Variants in NUSAP1 observed in about 807,000 individuals in gnomAD.
NUSAP1 encodes the protein nucleolar and spindle-associated protein 1.
Under a neutral mutation model 52.8 loss-of-function variants are expected in NUSAP1, and 32 were observed. The observed-to-expected ratio is 0.61, with a 90% CI of 0.46 to 0.81. The LOEUF (loss-of-function observed/expected upper bound fraction) is 0.81, where lower values mean the gene tolerates loss of function less well. NUSAP1 is among the 40% of genes least tolerant of loss of function. The probability of loss-of-function intolerance (pLI) is 0.00; values close to 1 mark genes in which losing one functional copy is unlikely to be tolerated. For synonymous variants in NUSAP1, 195 were observed against 183.1 expected (o/e 1.06, Z -0.52); for missense variants, 499 against 522.3 (o/e 0.96, Z 0.43).
intron 10 of NUSAP1, among the ~76,000 whole-genome samples, chr15:41,378,062 CCAAAT>C (rs1382464795): frequency 6.6e-6 from 1 of 151,976 alleles, no homozygotes; most frequent in Non-Finnish European, 1.5e-5. Flanking sequence ...GTAATGGACT[CCAAAT>C]CAGCAGATTT....
chr15:41,345,532 T>C (rs1170841656), intron 2 of NUSAP1: 2 of 405,976 alleles, frequency 4.9e-6, no homozygotes, highest in African/African-American at 2.2e-5. Context: ...CGATCTCGGC[T>C]CACCGCAACC....
intron 10 of NUSAP1, among the ~76,000 whole-genome samples, chr15:41,378,943 G>GTTTTTTTTTTTTT (rs1453721233): frequency 6.4e-5 from 4 of 62,824 alleles, no homozygotes; most frequent in Non-Finnish European, 1.1e-4. Flanking sequence ...AACTTATCTT[G>GTTTTTTTTTTTTT]GTTTTTTTTT....
chr15:41,355,695 G>A (rs2048941074), intron 4 of NUSAP1, among the ~76,000 whole-genome samples: 1 of 149,746 alleles, frequency 6.7e-6, no homozygotes, highest in African/African-American at 2.5e-5. Context: ...TGTTTTTTTA[G>A]AGGTGGAGTC....
rs1300871104 is a variant in NUSAP1, at chr15:41,380,940, A to C, written c.*754A>C. The C allele has an allele frequency of 3.9e-5, 6 of 152,180 alleles. No individual in the cohort carries two copies. Among genetic ancestry groups the C allele is most frequent in the African/African-American group, 1.4e-4 (6 of 41,450 alleles). The allele number at this position is 152,180 out of a possible 1,614,324, so 9.4% of individuals were successfully genotyped here. On this transcript the variant is annotated 3_prime_UTR_variant, in exon 11 of 11. Coordinates refer to ENST00000559596, the MANE Select transcript of NUSAP1 (RefSeq NM_016359.5). ...GTACTTCTTATTCATTTTATGGAAA[A>C]GACTAGGCTTTGCTTAGTATCATGT... is the stretch of plus-strand genomic sequence containing the variant.
rs926421440 is a variant in NUSAP1 at position 41,380,650 on chromosome 15, A to G, written c.*464A>G. 6.5e-6 allele frequency: 1 copy of G among 153,136 alleles called. No homozygotes were observed. The highest frequency in any genetic ancestry group is 2.1e-4 in the South Asian group (1 of 4,872). The allele number at this position is 153,136 out of a possible 1,614,324, so 9.5% of individuals were successfully genotyped here. A position where few individuals can be genotyped will look rare whatever the true frequency, so the allele number is the denominator to read the frequency against. On this transcript the variant is annotated 3_prime_UTR_variant, in exon 11 of 11. Coordinates refer to ENST00000559596, the MANE Select transcript of NUSAP1 (RefSeq NM_016359.5). ...CTCTCTATAGAATATAGTAACCTTTATGAAACGGGGCCATATAGTTTGGTT... is the reference window on the plus strand; with the variant it reads ...CTCTCTATAGAATATAGTAACCTTTGTGAAACGGGGCCATATAGTTTGGTT...
At chr15:41,357,077 CAAG>C (rs1380944875) in intron 5 of NUSAP1, among the ~76,000 whole-genome samples, 2 of 151,964 alleles carry the variant, frequency 1.3e-5, no homozygotes, top group Non-Finnish European at 2.9e-5. Context: ...AATTTAAAAA[CAAG>C]AAGAATGGCC....
At chr15:41,362,653 A>T (rs1176955437) in intron 6 of NUSAP1, among the ~76,000 whole-genome samples, 2 of 151,754 alleles carry the variant, frequency 1.3e-5, no homozygotes, top group Non-Finnish European at 2.9e-5. Flanking sequence ...GATGGTCTGA[A>T]TCTCCTGACC....
chr15:41,367,285 G>C (rs1425160030), intron 7 of NUSAP1, among the ~76,000 whole-genome samples: 2 of 152,208 alleles, frequency 1.3e-5, no homozygotes, highest in Non-Finnish European at 2.9e-5. Context: ...CACTCAGCCA[G>C]CATCAGAGTA....
At chr15:41,367,131 C>T (rs73404994) in intron 7 of NUSAP1, among the ~76,000 whole-genome samples, 13,350 of 152,238 alleles carry the variant, frequency 0.088, 742 homozygotes, top group African/African-American at 0.16. Flanking sequence ...GGCTGGCCTT[C>T]GGGCATGTCT....
In NUSAP1 at chr15:41,377,769, C is replaced by T. The variant is rs185939096; in HGVS notation, c.1232+465C>T. Among the ~76,000 whole-genome samples the T allele has an allele frequency of 2.0e-3, 292 of 149,202 alleles. 1 individual carries two copies. Among genetic ancestry groups the T allele is most frequent in the African/African-American group, 6.8e-3 (278 of 40,664 alleles). ...CCTGTAATCCCAGCACTTTGGGAGG[C>T]CGAGGGGGGCAGATCACGAGGTCAG... On this transcript the variant is annotated intron_variant, in intron 10 of 10. Transcript: ENST00000559596.
At position 41,375,763 on chromosome 15, in the gene NUSAP1, A is replaced by G. The variant is rs765406993; in HGVS notation, c.1058A>G (p.Asn353Ser). 5.6e-6 allele frequency: 9 copies of G among 1,613,986 alleles called. No homozygotes were observed. The highest frequency in any genetic ancestry group is 4.4e-5 in the South Asian group (4 of 91,088). ...GAGGCAACGCAGACTCCAGTCTCCA[A>G]TAAGAAACCAGTGTTTGATCTTAAA... The part of the protein sequence containing the change: ...TTEATQTPVS[N>S]KKPVFDLKAS... Residue 353 changes from asparagine to serine, a missense_variant, in exon 9 of 11, where the codon AAT becomes AGT. Asn to Ser is a conservative substitution (Grantham distance 46). Coordinates refer to ENST00000559596, the MANE Select transcript of NUSAP1 (RefSeq NM_016359.5).
In NUSAP1 at chr15:41,362,566, G is replaced by A. The variant is rs367757013; in HGVS notation, c.661-2836G>A. ...CAGCCTCCTGAGTAGCTGGGACTAC[G>A]GGCGCCCGCCACCACACCCGGCTAA... On this transcript the variant is annotated intron_variant, in intron 6 of 10. Coordinates refer to ENST00000559596, the MANE Select transcript of NUSAP1 (RefSeq NM_016359.5). Among the ~76,000 whole-genome samples, 360 of 151,140 alleles carry A rather than the reference G, an allele frequency of 2.4e-3. 5 individuals are homozygous for A. The highest frequency in any genetic ancestry group is 0.019 in the South Asian group (90 of 4,782).
At position 41,375,727 on chromosome 15, in the gene NUSAP1, A is replaced by G. The variant is rs909163291; in HGVS notation, c.1022A>G (p.Lys341Arg). The G allele has an allele frequency of 6.2e-7, 1 of 1,612,244 alleles. No individual in the cohort carries two copies. Among genetic ancestry groups the G allele is most frequent in the African/African-American group, 1.3e-5 (1 of 74,884 alleles). Reference protein sequence around the residue: ...GNSAAVITPFKLTTEATQTPV... With the variant: ...GNSAAVITPFRLTTEATQTPV... Reference sequence around the variant, plus strand: ...GTGTTTTTAGTTATTACCCCATTCAAGTTGACAACTGAGGCAACGCAGACT... The same window carrying G: ...GTGTTTTTAGTTATTACCCCATTCAGGTTGACAACTGAGGCAACGCAGACT... The change falls in exon 9 of 11, where the codon AAG becomes AGG. Residue 341 changes from lysine (K) to arginine (R), a missense_variant. Lys to Arg is a conservative substitution (Grantham distance 26). Transcript: ENST00000559596.
At chr15:41,371,145 C>G (rs2049668759) in intron 7 of NUSAP1, among the ~76,000 whole-genome samples, 1 of 152,106 alleles carries the variant, frequency 6.6e-6, no homozygotes, top group South Asian at 2.1e-4. Flanking sequence ...TCACCACTCA[C>G]CTAGCATAGC....
intron 7 of NUSAP1, among the ~76,000 whole-genome samples, chr15:41,366,533 T>C (rs2049423739): frequency 6.6e-6 from 1 of 151,414 alleles, no homozygotes; most frequent in Non-Finnish European, 1.5e-5. Context: ...CTACCTGCCT[T>C]GGCCTCCCAA....
At chr15:41,368,543 T>C (rs1320335998) in intron 7 of NUSAP1, among the ~76,000 whole-genome samples, 1 of 152,146 alleles carries the variant, frequency 6.6e-6, no homozygotes, top group Non-Finnish European at 1.5e-5. Context: ...CTTGTAACTT[T>C]TCTGACATCA....
intron 2 of NUSAP1, among the ~76,000 whole-genome samples, chr15:41,347,809 G>A (rs1273307362): frequency 4.4e-5 from 6 of 137,290 alleles, no homozygotes; most frequent in East Asian, 2.1e-4. Flanking sequence ...GTGAGACTCC[G>A]TCTCAAAAAA....
intron 1 of NUSAP1, 55 bp from the exon 2 acceptor site, chr15:41,342,331 C>T (rs373277141): frequency 2.0e-5 from 24 of 1,185,688 alleles, no homozygotes; most frequent in East Asian, 1.5e-4. Flanking sequence ...AAATATTCAA[C>T]GTATCTTCCT....
intron 1 of NUSAP1, among the ~76,000 whole-genome samples, chr15:41,336,863 A>G (rs2140504667): frequency 6.6e-6 from 1 of 151,372 alleles, no homozygotes; most frequent in South Asian, 2.1e-4. Context: ...ATTACTTTTT[A>G]TCATCTTGAC....
Sources: gnomAD v4.1 joint callset for allele counts (sites outside exome capture counted in the v4.1 genomes callset) on GRCh38, gnomAD v4.1.1 for gene constraint, MANE v1.5 for transcripts, NCBI Gene and HGNC (gene_info 2026-07-23, HGNC 2026-07-21) for gene names.